NLGN1: variants seen among roughly 807,000 people sequenced by gnomAD.
The protein encoded by NLGN1 is neuroligin 1.
In NLGN1, 12 loss-of-function variants were observed where a neutral mutation model predicts 65.5. The ratio of observed to expected loss-of-function variants is 0.18; its 90% CI spans 0.12 to 0.30. The LOEUF (loss-of-function observed/expected upper bound fraction) is 0.30. NLGN1 is among the 10% of genes least tolerant of loss of function. The pLI is 1.00. For missense variants in NLGN1, 750 were observed against 1,007.1 expected, an observed-to-expected ratio of 0.74 and a Z score of 3.46; for synonymous variants, 350 against 359.5, an observed-to-expected ratio of 0.97 and a Z score of 0.30.
At chr3:173,799,296 C>T (rs1020617511) in intron 3 of NLGN1, among the ~76,000 whole-genome samples, 26 of 152,082 alleles carry the variant, frequency 1.7e-4, no homozygotes, top group African/African-American at 6.0e-4. Context: ...TGTGAGACTT[C>T]ACTTGCTTTT....
chr3:173,516,946 C>T (rs1352692521), intron 2 of NLGN1, among the ~76,000 whole-genome samples: 1 of 151,972 alleles, frequency 6.6e-6, no homozygotes. Context: ...AAGACTGATT[C>T]TATTTATATA....
chr3:173,615,174 A>C (rs1453533764), intron 3 of NLGN1, among the ~76,000 whole-genome samples: 2 of 152,112 alleles, frequency 1.3e-5, no homozygotes, highest in Non-Finnish European at 2.9e-5. Context: ...TCAGGTAGAA[A>C]CTTTGACTAT....
At position 173,568,383 on chromosome 3, in the gene NLGN1, C is replaced by T. The variant is rs1045595874; in HGVS notation, c.-320-35896C>T. Among the ~76,000 whole-genome samples the T allele has an allele frequency of 2.6e-5, 4 of 151,688 alleles. No homozygotes were observed. The South Asian group carries it at 6.3e-4, about 24-fold the overall frequency. On this transcript the variant is annotated intron_variant, in intron 2 of 6. Transcript: ENST00000457714. ...CGAGTAGTTGGGATTACAGGTGCCC[C>T]CCACCAGGCCTGGCTAATTTTTGTA...
chr3:173,709,095 C>T (rs1367798772), intron 3 of NLGN1, among the ~76,000 whole-genome samples: 6 of 152,190 alleles, frequency 3.9e-5, no homozygotes, highest in Admixed American at 3.9e-4. Flanking sequence ...CCATGAGTGT[C>T]TGTGTTAGTC....
chr3:174,175,780 C>T (rs1005410973), intron 4 of NLGN1, among the ~76,000 whole-genome samples: 59 of 151,836 alleles, frequency 3.9e-4, no homozygotes, highest in African/African-American at 1.4e-3. Context: ...AAGATTTCCC[C>T]ACGGTAACAT....
chr3:173,703,790 T>C (rs896990911), intron 3 of NLGN1, among the ~76,000 whole-genome samples: 4 of 152,212 alleles, frequency 2.6e-5, no homozygotes, highest in Admixed American at 1.3e-4. Context: ...GCCAGAAATA[T>C]GGGATTCGTC....
At chr3:173,595,649 TGTTA>T (rs1219849745) in intron 2 of NLGN1, among the ~76,000 whole-genome samples, 2 of 152,124 alleles carry the variant, frequency 1.3e-5, no homozygotes, top group Admixed American at 6.6e-5. Context: ...CATTTTACTG[TGTTA>T]GTTCATTTTC....
At chr3:174,116,549 G>T (rs1292729696) in intron 4 of NLGN1, among the ~76,000 whole-genome samples, 1 of 151,788 alleles carries the variant, frequency 6.6e-6, no homozygotes, top group Non-Finnish European at 1.5e-5. Flanking sequence ...TGTTGTCCCG[G>T]CTAGTCTCAA....
chr3:173,939,695 A>G (rs1275051872), intron 4 of NLGN1, among the ~76,000 whole-genome samples: 1 of 152,146 alleles, frequency 6.6e-6, no homozygotes, highest in Non-Finnish European at 1.5e-5. Context: ...GAAAAAAATC[A>G]TTTCAAAATT....
At chr3:173,462,544 G>A (rs1434021515) in intron 2 of NLGN1, among the ~76,000 whole-genome samples, 1 of 151,998 alleles carries the variant, frequency 6.6e-6, no homozygotes, top group Admixed American at 6.6e-5. Context: ...TCATTAGAAA[G>A]TCACCTTCTC....
intron 4 of NLGN1, among the ~76,000 whole-genome samples, chr3:173,973,721 C>G (rs1716807486): frequency 6.6e-6 from 1 of 151,874 alleles, no homozygotes; most frequent in Admixed American, 6.6e-5. Context: ...TTACTTAGAT[C>G]TATATGGCTT....
At position 173,452,692 on chromosome 3, in the gene NLGN1, A is replaced by G. The variant is rs557265388; in HGVS notation, c.-321+17614A>G. 1.2e-3 allele frequency among the ~76,000 whole-genome samples: 182 copies of G among 152,330 alleles called. 1 individual carries two copies. Among genetic ancestry groups the G allele is most frequent in the Non-Finnish European group, 1.7e-3 (119 of 68,036 alleles). On this transcript the variant is annotated intron_variant, in intron 2 of 6. Coordinates refer to ENST00000457714, the Ensembl canonical transcript of NLGN1. ...TTAAATGCATTAGTCAAGGTTATCT[A>G]GCGAAACAGAACCCATAGGAGAGAG...
At chr3:173,914,358 T>C (rs1740285349) in intron 4 of NLGN1, among the ~76,000 whole-genome samples, 1 of 152,184 alleles carries the variant, frequency 6.6e-6, no homozygotes, top group Admixed American at 6.6e-5. Context: ...TTACAGGCTC[T>C]GCCTGGTTTG....
intron 4 of NLGN1, among the ~76,000 whole-genome samples, chr3:173,894,233 CCTA>C (rs1735926361): frequency 6.6e-6 from 1 of 152,058 alleles, no homozygotes; most frequent in South Asian, 2.1e-4. Flanking sequence ...TTAGTGTAGT[CCTA>C]CTAGAGGCCA....
At chr3:173,799,532 A>G (rs1041582470) in intron 3 of NLGN1, among the ~76,000 whole-genome samples, 6 of 152,010 alleles carry the variant, frequency 3.9e-5, no homozygotes, top group South Asian at 2.1e-4. Context: ...ATTCCATTAT[A>G]TTACTAAATT....
At chr3:173,759,255 CTCA>C (rs1431307072) in intron 3 of NLGN1, among the ~76,000 whole-genome samples, 1 of 151,874 alleles carries the variant, frequency 6.6e-6, no homozygotes, top group Non-Finnish European at 1.5e-5. Context: ...TAATTAACAA[CTCA>C]TCATGGAAAT....
chr3:174,130,113 G>A (rs1454766622), intron 4 of NLGN1, among the ~76,000 whole-genome samples: 2 of 152,172 alleles, frequency 1.3e-5, no homozygotes, highest in Admixed American at 6.5e-5. Context: ...GGTGGCCCTC[G>A]CCTGTAATCC....
chr3:173,469,935 A>G (rs1482101962), intron 2 of NLGN1, among the ~76,000 whole-genome samples: 8 of 151,364 alleles, frequency 5.3e-5, no homozygotes, highest in African/African-American at 1.5e-4. Flanking sequence ...CTTCTCTATT[A>G]TATATGCATA....
At chr3:173,986,802 TTTG>T (rs1309996411) in intron 4 of NLGN1, among the ~76,000 whole-genome samples, 3 of 152,194 alleles carry the variant, frequency 2.0e-5, no homozygotes, top group African/African-American at 7.2e-5. Context: ...CTACCAAATG[TTTG>T]AGTAGACTCG....
Sources: gnomAD v4.1 joint callset for allele counts (sites outside exome capture counted in the v4.1 genomes callset) on GRCh38, gnomAD v4.1.1 for gene constraint, MANE v1.5 for transcripts, NCBI Gene and HGNC (gene_info 2026-07-23, HGNC 2026-07-21) for gene names.